UACA: variants seen among roughly 807,000 people sequenced by gnomAD.
The protein encoded by UACA is nuclear membrane binding protein.
A neutral mutation model predicts 160.5 loss-of-function variants in UACA; 112 were observed. The observed-to-expected ratio is 0.70, with a 90% CI of 0.60 to 0.82. UACA has a LOEUF of 0.82. UACA is among the 40% of genes least tolerant of loss of function. UACA has a pLI of 0.00. For synonymous variants in UACA, 557 were observed against 568.4 expected (o/e 0.98, Z 0.29); for missense variants, 1,574 against 1,614.6 (o/e 0.97, Z 0.43).
At chr15:70,660,272 T>G (rs1057441853) in intron 17 of UACA, 56 bp from the exon 18 acceptor site, 6 of 1,452,350 alleles carry the variant, frequency 4.1e-6, no homozygotes, top group Non-Finnish European at 5.8e-6. Context: ...TTTCCAAACT[T>G]TGGACAATGC....
intron 16 of UACA, among the ~76,000 whole-genome samples, chr15:70,665,342 C>T (rs2140895451): frequency 6.6e-6 from 1 of 152,274 alleles, no homozygotes; most frequent in South Asian, 2.1e-4. Context: ...TAGCATTTTT[C>T]CACCCTGCTT....
chr15:70,764,979 T>C (rs2030968296), upstream of UACA, among the ~76,000 whole-genome samples: 1 of 152,206 alleles, frequency 6.6e-6, no homozygotes, highest in African/African-American at 2.4e-5. Context: ...CAATAAATTA[T>C]CAGCCATCAT....
intron 1 of UACA, among the ~76,000 whole-genome samples, chr15:70,708,564 T>A (rs903695212): frequency 6.6e-6 from 1 of 151,390 alleles, no homozygotes; most frequent in African/African-American, 2.4e-5. Flanking sequence ...ACCACCCAGG[T>A]TCAAGCTATT....
intron 1 of UACA, among the ~76,000 whole-genome samples, chr15:70,728,356 G>C (rs960541671): frequency 2.6e-5 from 4 of 152,158 alleles, no homozygotes; most frequent in African/African-American, 9.7e-5. Flanking sequence ...CTGAGATCGA[G>C]AGTTCGAGAC....
At chr15:70,727,528 C>A (rs1347308023) in intron 1 of UACA, among the ~76,000 whole-genome samples, 5 of 152,160 alleles carry the variant, frequency 3.3e-5, no homozygotes, top group South Asian at 4.1e-4. Flanking sequence ...ACTTTACTGT[C>A]CATGGAGTAG....
chr15:70,674,633 C>T (rs1897250915), intron 13 of UACA, among the ~76,000 whole-genome samples: 1 of 152,040 alleles, frequency 6.6e-6, no homozygotes, highest in South Asian at 2.1e-4. Context: ...CAGAGTCTCA[C>T]TGTCACCCAG....
chr15:70,685,973 C>A (rs1238432577), intron 7 of UACA, among the ~76,000 whole-genome samples: 1 of 151,952 alleles, frequency 6.6e-6, no homozygotes, highest in Non-Finnish European at 1.5e-5. Context: ...TGTGGTTTCG[C>A]CATGTTGGCC....
chr15:70,729,277 AAGCAACTT>A (rs1899243232), intron 1 of UACA, among the ~76,000 whole-genome samples: 1 of 152,198 alleles, frequency 6.6e-6, no homozygotes, highest in South Asian at 2.1e-4. Context: ...AAAAACATGG[AAGCAACTT>A]AGGTCCCATC....
intron 1 of UACA, among the ~76,000 whole-genome samples, chr15:70,745,316 T>C (rs1480525397): frequency 1.3e-5 from 2 of 152,014 alleles, no homozygotes; most frequent in Admixed American, 6.6e-5. Flanking sequence ...GCACCTGTAG[T>C]CCCAGCTACT....
chr15:70,678,962 C>T (rs1897383365), intron 10 of UACA, among the ~76,000 whole-genome samples: 1 of 152,032 alleles, frequency 6.6e-6, no homozygotes, highest in East Asian at 1.9e-4. Context: ...CATCACAAAA[C>T]AAACACATTT....
chr15:70,752,119 T>A (rs1018919527), intron 1 of UACA, among the ~76,000 whole-genome samples: 5 of 150,352 alleles, frequency 3.3e-5, no homozygotes, highest in Non-Finnish European at 7.4e-5. Flanking sequence ...GTGCCCATAA[T>A]CCCAGCTACT....
intron 1 of UACA, among the ~76,000 whole-genome samples, chr15:70,741,726 A>G (rs1016176357): frequency 6.6e-6 from 1 of 152,222 alleles, no homozygotes; most frequent in African/African-American, 2.4e-5. Flanking sequence ...GTTAGTTTTA[A>G]TAAGTCAGTT....
the UACA span, among the ~76,000 whole-genome samples, chr15:70,772,782 T>TG: frequency 5.9e-5 from 9 of 152,032 alleles, no homozygotes; most frequent in Non-Finnish European, 1.3e-4. Flanking sequence ...ATGTGGGTAC[T>TG]GCAACATTTA....
chr15:70,710,369 A>C lies in UACA; in HGVS notation c.79-10709T>G, dbSNP rs1221796732. Among the ~76,000 whole-genome samples the C allele has an allele frequency of 3.9e-5, 6 of 152,314 alleles. No individual in the cohort carries two copies. In the South Asian group the frequency reaches 1.2e-3, roughly 32 times the overall value. On this transcript the variant is annotated intron_variant, in intron 1 of 18. Transcript: ENST00000322954. ...GATAGGAAAAACCAAACTTTTCCCA[A>C]CTCTCACACTCACCACAAAATACTT...
At chr15:70,716,575 C>T (rs1234034812) in intron 1 of UACA, among the ~76,000 whole-genome samples, 4 of 152,136 alleles carry the variant, frequency 2.6e-5, no homozygotes, top group Non-Finnish European at 5.9e-5. Flanking sequence ...CTCTTGTAGT[C>T]TAATTCAATT....
chr15:70,709,823 G>C (rs1388713521), intron 1 of UACA, among the ~76,000 whole-genome samples: 1 of 152,084 alleles, frequency 6.6e-6, no homozygotes, highest in Non-Finnish European at 1.5e-5. Flanking sequence ...ACAAATCATA[G>C]CTAAAATGAT....
At chr15:70,721,421 C>T (rs954353992) in intron 1 of UACA, among the ~76,000 whole-genome samples, 18 of 152,082 alleles carry the variant, frequency 1.2e-4, no homozygotes, top group African/African-American at 4.1e-4. Context: ...GTCAGGAGAT[C>T]GAGACCATCC....
At chr15:70,769,184 C>T in the UACA span, among the ~76,000 whole-genome samples, 1 of 151,950 alleles carries the variant, frequency 6.6e-6, no homozygotes, top group Non-Finnish European at 1.5e-5. Context: ...CGGTGAAACC[C>T]CATCTCTACT....
chr15:70,699,563 A>G lies in UACA; in HGVS notation c.176T>C (p.Val59Ala), dbSNP rs1303262408. 1 of 1,608,450 alleles carries G rather than the reference A, an allele frequency of 6.2e-7. No individual in the cohort carries two copies. Among genetic ancestry groups the G allele is most frequent in the Non-Finnish European group, 8.5e-7 (1 of 1,178,586 alleles). Residue 59 changes from valine (V) to alanine (A), a missense_variant, in exon 2 of 19, where the codon GTC becomes GCC. Transcript: ENST00000322954. ...KVTSILAKKG[V>A]NPGKLDVEGR... ...TTCCACATCTAGTTTGCCTGGATTG[A>G]CCCCCTTTTTAGCAAGGATTGAGGT... is the stretch of plus-strand genomic sequence containing the variant.
Sources: allele counts gnomAD v4.1 joint callset (sites outside exome capture counted in the v4.1 genomes callset), GRCh38; gene constraint gnomAD v4.1.1; transcripts MANE v1.5; gene names NCBI Gene and HGNC (gene_info 2026-07-23, HGNC 2026-07-21).